The following NXPE2 variants were observed in gnomAD, a reference collection of about 807,000 sequenced individuals.
The protein encoded by NXPE2 is NXPE family member 2.
Under a neutral mutation model 34.4 loss-of-function variants are expected in NXPE2, and 34 were observed. The observed-to-expected ratio is 0.99, with a 90% confidence interval of 0.75 to 1.31. The LOEUF (loss-of-function observed/expected upper bound fraction) is 1.31, where lower values mean the gene tolerates loss of function less well. Among genes scored for constraint, NXPE2 ranks in the 40% most tolerant of loss-of-function variants. NXPE2 has a pLI of 0.00. For missense variants in NXPE2, 649 were observed against 672.5 expected, an observed-to-expected ratio of 0.97 and a Z score of 0.39; for synonymous variants, 235 against 231.3, an observed-to-expected ratio of 1.02 and a Z score of -0.15.
the NXPE2 span, among the ~76,000 whole-genome samples, chr11:114,636,449 T>G: frequency 6.6e-6 from 1 of 152,064 alleles, no homozygotes; most frequent in Non-Finnish European, 1.5e-5. Context: ...GGGTTTTTTG[T>G]GTCTCTATTT....
At chr11:114,605,159 T>A in the NXPE2 span, among the ~76,000 whole-genome samples, 1 of 151,572 alleles carries the variant, frequency 6.6e-6, no homozygotes, top group Non-Finnish European at 1.5e-5. Flanking sequence ...TTCCCAGGGA[T>A]AATAAGTGTT....
the NXPE2 span, among the ~76,000 whole-genome samples, chr11:114,490,390 T>C: frequency 1.3e-5 from 2 of 152,122 alleles, no homozygotes; most frequent in East Asian, 1.9e-4. Context: ...GCTCACATTG[T>C]CAAGTCAATC....
the NXPE2 span, among the ~76,000 whole-genome samples, chr11:114,786,357 CCCCG>C: frequency 2.4e-5 from 3 of 125,336 alleles, no homozygotes; most frequent in Admixed American, 1.6e-4. Flanking sequence ...ATCTTTCTAC[CCCCG>C]CCCCCCGCCC....
chr11:114,811,340 A>G, the NXPE2 span, among the ~76,000 whole-genome samples: 3 of 43,340 alleles, frequency 6.9e-5, no homozygotes, highest in African/African-American at 1.9e-4. Flanking sequence ...TATAATAATA[A>G]TAAAATAAAA....
At chr11:114,636,124 A>T in the NXPE2 span, among the ~76,000 whole-genome samples, 1 of 151,810 alleles carries the variant, frequency 6.6e-6, no homozygotes, top group Non-Finnish European at 1.5e-5. Flanking sequence ...GCTATTGATT[A>T]TTGCCACAAT....
chr11:114,656,375 G>C, the NXPE2 span, among the ~76,000 whole-genome samples: 1 of 152,040 alleles, frequency 6.6e-6, no homozygotes, highest in Admixed American at 6.6e-5. Context: ...TATAGATTCA[G>C]TGCTATTCCC....
chr11:114,482,534 A>G, the NXPE2 span, among the ~76,000 whole-genome samples: 1 of 152,184 alleles, frequency 6.6e-6, no homozygotes, highest in East Asian at 1.9e-4. Context: ...TATATTTTCA[A>G]CATTTACATA....
the NXPE2 span, chr11:114,582,936 G>A: frequency 6.2e-7 from 1 of 1,614,164 alleles, no homozygotes; most frequent in Non-Finnish European, 8.5e-7. Flanking sequence ...TGGCTTTAAT[G>A]ATATCAGTGG....
the NXPE2 span, among the ~76,000 whole-genome samples, chr11:114,539,940 T>G: frequency 0.6 from 90,978 of 151,950 alleles, 29,033 homozygotes; most frequent in African/African-American, 0.84. Context: ...CATACTAAAG[T>G]TCCAAATGCA....
At chr11:114,724,997 C>T in the NXPE2 span, among the ~76,000 whole-genome samples, 1 of 148,386 alleles carries the variant, frequency 6.7e-6, no homozygotes, top group Non-Finnish European at 1.5e-5. Flanking sequence ...CTGTACTGTG[C>T]TTTTTCACTT....
At chr11:114,581,595 G>A in the NXPE2 span, 68 of 727,178 alleles carry the variant, frequency 9.4e-5, no homozygotes, top group Non-Finnish European at 1.4e-4. Flanking sequence ...TGGTGTCTTG[G>A]CCAACCTTAG....
chr11:114,650,571 G>A, the NXPE2 span, among the ~76,000 whole-genome samples: 1 of 151,192 alleles, frequency 6.6e-6, no homozygotes, highest in African/African-American at 2.4e-5. Context: ...CCCAGGAAGT[G>A]AGAAAAAATC....
the NXPE2 span, among the ~76,000 whole-genome samples, chr11:114,607,277 T>C: frequency 6.6e-6 from 1 of 151,840 alleles, no homozygotes. Flanking sequence ...GGGTAACCAC[T>C]GTTGCCTGGT....
chr11:114,508,660 T>C, the NXPE2 span, among the ~76,000 whole-genome samples: 3 of 152,216 alleles, frequency 2.0e-5, no homozygotes, highest in Non-Finnish European at 4.4e-5. Flanking sequence ...CCCTATTCAA[T>C]AAATGGTGCT....
the NXPE2 span, among the ~76,000 whole-genome samples, chr11:114,531,513 A>G: frequency 6.6e-6 from 1 of 152,130 alleles, no homozygotes. Context: ...GTCCTTTTTA[A>G]AGCAAAACTC....
intron 3 of NXPE2, 137 bp from the exon 4 acceptor site, chr11:114,703,854 C>T: frequency 1.5e-6 from 1 of 656,190 alleles, no homozygotes; most frequent in Middle Eastern, 2.9e-4. Context: ...CCATTAACTT[C>T]CCCAGGATAT....
the NXPE2 span, among the ~76,000 whole-genome samples, chr11:114,719,990 T>C: frequency 1.2e-4 from 18 of 152,220 alleles, no homozygotes; most frequent in Non-Finnish European, 2.4e-4. Context: ...TGGACAGTGT[T>C]TGCTGCACTG....
the NXPE2 span, among the ~76,000 whole-genome samples, chr11:114,775,633 G>A: frequency 3.9e-5 from 6 of 152,328 alleles, no homozygotes; most frequent in East Asian, 1.9e-4. Context: ...GTGAGTGAAC[G>A]CAAGCATCTG....
chr11:114,661,646 A>G, the NXPE2 span, among the ~76,000 whole-genome samples: 2 of 152,206 alleles, frequency 1.3e-5, no homozygotes, highest in Non-Finnish European at 2.9e-5. Context: ...TTTCCTCTTT[A>G]TCTCAGGATT....
Sources: gnomAD v4.1 joint callset for allele counts (sites outside exome capture counted in the v4.1 genomes callset) on GRCh38, gnomAD v4.1.1 for gene constraint, MANE v1.5 for transcripts, NCBI Gene and HGNC (gene_info 2026-07-23, HGNC 2026-07-21) for gene names.